Variants in RANBP17 observed in about 807,000 individuals in gnomAD.
RANBP17 encodes ran-binding protein 17.
A neutral mutation model predicts 141.2 loss-of-function variants in RANBP17; 158 were observed. That is an observed-to-expected ratio of 1.12 (90% CI 0.98 to 1.28). The LOEUF (loss-of-function observed/expected upper bound fraction) is 1.28, where lower values mean the gene tolerates loss of function less well. Ranked by LOEUF, RANBP17 falls within the 50% of genes most tolerant of loss-of-function variation. The pLI is 0.00. For missense variants in RANBP17, 1,438 were observed against 1,290.7 expected (o/e 1.11, Z -1.75); for synonymous variants, 430 against 450.0 (o/e 0.96, Z 0.56).
At chr5:171,221,672 C>A in intron 21 of RANBP17, 86 bp from the exon 22 acceptor site, 1 of 762,064 alleles carries the variant, frequency 1.3e-6, no homozygotes, top group Non-Finnish European at 2.3e-6. Context: ...GCTGCTACTT[C>A]TTATAAATGA....
chr5:171,252,913 G>A, intron 24 of RANBP17: 1 of 1,455,788 alleles, frequency 6.9e-7, no homozygotes, highest in Non-Finnish European at 9.6e-7. Flanking sequence ...TATTGAAGAA[G>A]TCTACGGGCT....
At chr5:171,189,587 C>G (rs1448976374) in intron 18 of RANBP17, among the ~76,000 whole-genome samples, 2 of 152,170 alleles carry the variant, frequency 1.3e-5, no homozygotes, top group Non-Finnish European at 1.5e-5. Context: ...CTGCCAGGTT[C>G]TTTCTGGAAG....
chr5:171,238,904 A>G (rs1339663308), intron 22 of RANBP17, among the ~76,000 whole-genome samples: 2 of 152,186 alleles, frequency 1.3e-5, no homozygotes, highest in Non-Finnish European at 2.9e-5. Context: ...TTCTGTTCAC[A>G]TAACATCTTG....
chr5:171,258,154 CACACA>C (rs1561807024), intron 24 of RANBP17, among the ~76,000 whole-genome samples: 14 of 149,510 alleles, frequency 9.4e-5, no homozygotes, highest in South Asian at 4.2e-4. Context: ...CACACACACA[CACACA>C]CCCCTAGGAA....
chr5:170,877,450 G>C (rs1021064119), intron 1 of RANBP17, among the ~76,000 whole-genome samples: 3 of 152,030 alleles, frequency 2.0e-5, no homozygotes, highest in Non-Finnish European at 4.4e-5. Context: ...TATTTGTAGA[G>C]GGGATTTTGC....
chr5:171,100,425 T>G (rs751735902), intron 14 of RANBP17, among the ~76,000 whole-genome samples: 1 of 152,234 alleles, frequency 6.6e-6, no homozygotes, highest in Non-Finnish European at 1.5e-5. Context: ...TTGATTGTAT[T>G]TCTGTGGGAT....
At chr5:170,909,578 C>CTTTTTT (rs386405668) in intron 5 of RANBP17, 83 bp from the exon 6 acceptor site, 14 of 240,584 alleles carry the variant, frequency 5.8e-5, no homozygotes, top group African/African-American at 2.7e-4. Context: ...AGTTTATTTC[C>CTTTTTT]TTTTTTTTTT....
intron 25 of RANBP17, among the ~76,000 whole-genome samples, chr5:171,281,573 G>A (rs1024820693): frequency 5.9e-5 from 9 of 152,102 alleles, no homozygotes; most frequent in Admixed American, 1.3e-4. Flanking sequence ...ATCCAATTCC[G>A]TACCAATGGT....
At chr5:170,975,374 C>T (rs1777283454) in intron 14 of RANBP17, among the ~76,000 whole-genome samples, 1 of 152,086 alleles carries the variant, frequency 6.6e-6, no homozygotes, top group African/African-American at 2.4e-5. Context: ...ACTAAAAATA[C>T]AAAATTTAGC....
Position 170,918,827 on chromosome 5 carries a change from T to C in RANBP17, c.1069T>C (p.Leu357=). ...MVKEYPEVIR[L]IANFTITSLQ... ...GAAGGAATATCCTGAAGTTATTAGA[T>C]TGATTGCTAATTTTACCATTACTAG... Residue 357 remains leucine, a synonymous_variant, in exon 10 of 28, where the codon TTG becomes CTG. Transcript: ENST00000523189. The C allele has an allele frequency of 3.8e-6, 6 of 1,586,126 alleles. No homozygotes were observed. The highest frequency in any genetic ancestry group is 4.3e-6 in the Non-Finnish European group (5 of 1,164,210).
intron 14 of RANBP17, chr5:171,029,188 T>G: frequency 5.1e-6 from 1 of 194,762 alleles, no homozygotes; most frequent in Admixed American, 5.4e-5. Flanking sequence ...ATTAAATGAT[T>G]CCATTCTGTG....
intron 14 of RANBP17, among the ~76,000 whole-genome samples, chr5:171,018,976 A>T (rs969901833): frequency 2.0e-5 from 3 of 152,180 alleles, no homozygotes; most frequent in African/African-American, 7.2e-5. Flanking sequence ...AGGGATGTTG[A>T]ATTTTATCAA....
At chr5:171,089,436 G>A (rs1350327515) in intron 14 of RANBP17, among the ~76,000 whole-genome samples, 1 of 152,110 alleles carries the variant, frequency 6.6e-6, no homozygotes, top group African/African-American at 2.4e-5. Context: ...TGCCCCCAGA[G>A]GTGGAGCCTA....
chr5:171,046,359 C>G (rs1439752259), intron 14 of RANBP17, among the ~76,000 whole-genome samples: 2 of 152,070 alleles, frequency 1.3e-5, no homozygotes, highest in East Asian at 3.9e-4. Context: ...CAGGCACGCT[C>G]CACCACGTCC....
intron 14 of RANBP17, among the ~76,000 whole-genome samples, chr5:171,011,298 TC>T (rs927912444): frequency 6.6e-6 from 1 of 152,092 alleles, no homozygotes; most frequent in Non-Finnish European, 1.5e-5. Context: ...GATGTTATTA[TC>T]CAATTTATTA....
At chr5:171,156,191 A>C (rs542724193) in intron 14 of RANBP17, among the ~76,000 whole-genome samples, 1 of 152,110 alleles carries the variant, frequency 6.6e-6, no homozygotes, top group Non-Finnish European at 1.5e-5. Context: ...TATTATATTC[A>C]TTAAGAATCA....
At chr5:170,964,287 C>A (rs1032151295) in intron 13 of RANBP17, among the ~76,000 whole-genome samples, 14 of 152,024 alleles carry the variant, frequency 9.2e-5, no homozygotes, top group Non-Finnish European at 1.8e-4. Context: ...TTAATTGCAG[C>A]ATTTTGTAAC....
intron 14 of RANBP17, among the ~76,000 whole-genome samples, chr5:171,033,176 C>T (rs2127620715): frequency 6.6e-6 from 1 of 151,560 alleles, no homozygotes; most frequent in African/African-American, 2.4e-5. Flanking sequence ...GCTACTAAGC[C>T]TACCATTTCT....
chr5:171,072,481 G>A (rs1784686088), intron 14 of RANBP17, among the ~76,000 whole-genome samples: 1 of 151,236 alleles, frequency 6.6e-6, no homozygotes. Flanking sequence ...GATCTGAATA[G>A]GTACTTCTCC....
Sources: allele counts gnomAD v4.1 joint callset (sites outside exome capture counted in the v4.1 genomes callset), GRCh38; gene constraint gnomAD v4.1.1; transcripts MANE v1.5; gene names NCBI Gene and HGNC (gene_info 2026-07-23, HGNC 2026-07-21).